CYFIP1: variants seen among roughly 807,000 people sequenced by gnomAD.
CYFIP1 encodes cytoplasmic FMR1 interacting protein 1.
In CYFIP1, 58 loss-of-function variants were observed where a neutral mutation model predicts 163.5. That is an observed-to-expected ratio of 0.35 (90% CI 0.29 to 0.44). CYFIP1 has a LOEUF of 0.44. CYFIP1 is among the 20% of genes least tolerant of loss of function. CYFIP1 has a pLI of 1.00. For missense variants in CYFIP1, 1,338 were observed against 1,653.8 expected (o/e 0.81, Z 3.31); for synonymous variants, 663 against 660.7 (o/e 1.00, Z -0.05).
rs868049842 is a variant in CYFIP1 at position 22,906,460 on chromosome 15, C to T, written c.2389-2555G>A. Reference sequence around the variant, plus strand: ...TTATATTATTCTTTCACAGCAACTACTATTTTTTTTTTTTTTTTTTTTTGA... The same window carrying T: ...TTATATTATTCTTTCACAGCAACTATTATTTTTTTTTTTTTTTTTTTTTGA... On this transcript the variant is annotated intron_variant, in intron 21 of 30. Coordinates refer to ENST00000617928, the MANE Select transcript of CYFIP1 (RefSeq NM_014608.6). 2.4e-5 allele frequency among the ~76,000 whole-genome samples: 3 copies of T among 123,164 alleles called. 1 individual carries two copies. Among genetic ancestry groups the T allele is most frequent in the Non-Finnish European group, 4.9e-5 (3 of 61,618 alleles). 80.8% of individuals were successfully genotyped at this position (123,164 alleles called of 152,430 possible).
rs759932594 is a variant in CYFIP1, at chr15:22,872,821, A to C, written c.3597+4T>G. On this transcript the variant is annotated splice_donor_region_variant and intron_variant, in intron 30 of 30. Transcript: ENST00000617928. ...TAGATGGTGCGAGATTTTCATCCAC[A>C]TACCACATTTTTAATAATCTCATCT... is the stretch of plus-strand genomic sequence containing the variant. 4 of 1,613,860 alleles carry C rather than the reference A, an allele frequency of 2.5e-6. No homozygotes were observed. The highest frequency in any genetic ancestry group is 3.4e-6 in the Non-Finnish European group (4 of 1,179,744).
intron 6 of CYFIP1, among the ~76,000 whole-genome samples, chr15:22,940,582 C>T (rs2061863821): frequency 6.6e-6 from 1 of 152,186 alleles, no homozygotes; most frequent in East Asian, 1.9e-4. Flanking sequence ...CCCTGGGTCC[C>T]GTAGAGCCTC....
chr15:22,917,093 C>T lies in CYFIP1; in HGVS notation c.1675-463G>A. 2 of 1,470,734 alleles carry T rather than the reference C, an allele frequency of 1.4e-6. No homozygotes were observed. The highest frequency in any genetic ancestry group is 1.8e-6 in the Non-Finnish European group (2 of 1,114,714). The allele number at this position is 1,470,734 out of a possible 1,614,324, so 91.1% of individuals were successfully genotyped here. A position where few individuals can be genotyped will look rare whatever the true frequency, so the allele number is the denominator to read the frequency against. ...ACGTTAGTCACTCGACACACACACC[C>T]CAGGCAGGGACACGGGACGCACGCA... On this transcript the variant is annotated intron_variant, in intron 15 of 30. Coordinates refer to ENST00000617928, the MANE Select transcript of CYFIP1 (RefSeq NM_014608.6). The surrounding 1 kb of genome is among the most constrained non-coding windows in gnomAD (Gnocchi z 4.2).
chr15:22,911,169 C>T (rs1218044360), intron 18 of CYFIP1, among the ~76,000 whole-genome samples: 1 of 151,916 alleles, frequency 6.6e-6, no homozygotes, highest in Non-Finnish European at 1.5e-5. Flanking sequence ...GAGCAAGACT[C>T]CACCTCAAAA....
chr15:22,889,951 T>C (rs2060027868), intron 23 of CYFIP1, among the ~76,000 whole-genome samples: 1 of 152,116 alleles, frequency 6.6e-6, no homozygotes, highest in Non-Finnish European at 1.5e-5. Context: ...CTCAGAACAC[T>C]TACTCTAATC....
chr15:22,929,763 A>G (rs374322870), intron 11 of CYFIP1, among the ~76,000 whole-genome samples: 26,779 of 146,574 alleles, frequency 0.18, 2,660 homozygotes, highest in African/African-American at 0.23. Flanking sequence ...GTGAAACCCC[A>G]TCTCTACTAA....
At chr15:22,891,439 T>G (rs544430271) in intron 23 of CYFIP1, among the ~76,000 whole-genome samples, 6 of 152,132 alleles carry the variant, frequency 3.9e-5, no homozygotes, top group Non-Finnish European at 8.8e-5. Context: ...AAATAAAAAA[T>G]AAAAAGAACA....
rs143985925 is a variant in CYFIP1, at chr15:22,925,075, C to T, written c.1359+907G>A. 9.7e-3 allele frequency among the ~76,000 whole-genome samples: 1,483 copies of T among 152,212 alleles called. 13 individuals carry two copies. The highest frequency in any genetic ancestry group is 0.017 in the Non-Finnish European group (1,139 of 68,006). ...TGTAGTGTTATTTTTTCTTTCTGAA[C>T]ATTTTTGACCCAAGGTTGGTTCATG... On this transcript the variant is annotated intron_variant, in intron 13 of 30. Transcript: ENST00000617928.
chr15:22,967,820 G>C (rs910065143), intron 1 of CYFIP1, among the ~76,000 whole-genome samples: 2 of 152,128 alleles, frequency 1.3e-5, no homozygotes, highest in African/African-American at 4.8e-5. Context: ...AGGATCACTT[G>C]AGCCCAGGAG....
chr15:22,881,753 T>C lies in CYFIP1; in HGVS notation c.2911+93A>G, dbSNP rs879168569. 1.5e-5 allele frequency: 19 copies of C among 1,226,628 alleles called. No individual in the cohort carries two copies. In the African/African-American group the frequency reaches 2.8e-4, roughly 18 times the overall value. The allele number at this position is 1,226,628 out of a possible 1,614,324, so 76.0% of individuals were successfully genotyped here. ...TGTCTGTCTACTGCCTCTTCCCACA[T>C]GGCAAATCTAATCCTTCTCAAGAAT... On this transcript the variant is annotated intron_variant, in intron 25 of 30. Transcript: ENST00000617928.
intron 1 of CYFIP1, among the ~76,000 whole-genome samples, chr15:22,961,895 A>C (rs1432273449): frequency 6.6e-6 from 1 of 152,172 alleles, no homozygotes; most frequent in African/African-American, 2.4e-5. Flanking sequence ...TTTGAAACTA[A>C]GTTTTAACTT....
At chr15:22,904,515 C>T (rs1293230365) in intron 21 of CYFIP1, 1 of 154,628 alleles carries the variant, frequency 6.5e-6, no homozygotes, top group Non-Finnish European at 1.4e-5. Flanking sequence ...TAGCAAATAC[C>T]CACCTCAACT....
intron 1 of CYFIP1, among the ~76,000 whole-genome samples, chr15:22,957,598 T>C (rs545844524): frequency 6.6e-6 from 1 of 152,132 alleles, no homozygotes; most frequent in Non-Finnish European, 1.5e-5. Context: ...ATCGTGTCAC[T>C]GCACTCCAGC....
At chr15:22,928,567 C>T (rs756865298) in intron 11 of CYFIP1, among the ~76,000 whole-genome samples, 6 of 152,082 alleles carry the variant, frequency 3.9e-5, no homozygotes, top group Non-Finnish European at 2.9e-5. Context: ...GGGCTGGGCG[C>T]GGGGCTGTTA....
chr15:22,979,836 C>T (rs908964638), intron 1 of CYFIP1, among the ~76,000 whole-genome samples: 1 of 152,178 alleles, frequency 6.6e-6, no homozygotes, highest in African/African-American at 2.4e-5. Flanking sequence ...GGGTTCAGAT[C>T]TTGCTGCGCG....
chr15:22,868,424 C>A lies in CYFIP1; in HGVS notation c.*1604G>T, dbSNP rs1331668105. ...AGATTGTCTTATACCTAAGGTATTA[C>A]ATATTTGGTATATAATTAAGCCTTA... On this transcript the variant is annotated 3_prime_UTR_variant, in exon 31 of 31. Coordinates refer to ENST00000617928, the MANE Select transcript of CYFIP1 (RefSeq NM_014608.6). The A allele has an allele frequency of 1.3e-5, 2 of 152,096 alleles. No individual in the cohort carries two copies. The highest frequency in any genetic ancestry group is 1.3e-4 in the Admixed American group (2 of 15,266). 9.4% of individuals were successfully genotyped at this position (152,096 alleles called of 1,614,324 possible).
intron 9 of CYFIP1, among the ~76,000 whole-genome samples, chr15:22,936,089 T>C (rs981304152): frequency 1.3e-5 from 2 of 151,988 alleles, no homozygotes; most frequent in African/African-American, 2.4e-5. Flanking sequence ...CTGGGCAACA[T>C]AGGGAGATCT....
At chr15:22,971,535 G>C (rs1372679467) in intron 1 of CYFIP1, among the ~76,000 whole-genome samples, 2 of 152,066 alleles carry the variant, frequency 1.3e-5, no homozygotes, top group South Asian at 2.1e-4. Flanking sequence ...AGCCAGGCGT[G>C]GTAGTGGGCG....
At chr15:22,965,864 A>G (rs1041488672) in intron 1 of CYFIP1, among the ~76,000 whole-genome samples, 1 of 152,200 alleles carries the variant, frequency 6.6e-6, no homozygotes, top group Non-Finnish European at 1.5e-5. Flanking sequence ...CCAGGGGATC[A>G]AAGGCGATAA....
Sources: allele counts gnomAD v4.1 joint callset (sites outside exome capture counted in the v4.1 genomes callset), GRCh38; gene constraint gnomAD v4.1.1; non-coding constraint Gnocchi (gnomAD v3.1); transcripts MANE v1.5; gene names NCBI Gene and HGNC (gene_info 2026-07-23, HGNC 2026-07-21).